The following KCNH8 variants were observed in gnomAD, a reference collection of about 807,000 sequenced individuals.
KCNH8 encodes voltage-gated delayed rectifier potassium channel KCNH8.
In KCNH8, 70 loss-of-function variants were observed where a neutral mutation model predicts 103.6. That is an observed-to-expected ratio of 0.68 (90% CI 0.56 to 0.82). KCNH8 has a LOEUF of 0.82. Among genes scored for constraint, KCNH8 ranks in the 40% least tolerant of loss-of-function variants. The probability of loss-of-function intolerance (pLI) is 0.00; values close to 1 mark genes in which losing one functional copy is unlikely to be tolerated. For synonymous variants in KCNH8, 498 were observed against 489.4 expected, an observed-to-expected ratio of 1.02 and a Z score of -0.23; for missense variants, 1,217 against 1,329.9, an observed-to-expected ratio of 0.92 and a Z score of 1.32.
rs944506212 is a variant in KCNH8 at position 19,533,441 on chromosome 3, G to A, written c.2666G>A (p.Arg889Lys). The A allele has an allele frequency of 1.2e-6, 2 of 1,614,128 alleles. No homozygotes were observed. Among genetic ancestry groups the A allele is most frequent in the Admixed American group, 1.7e-5 (1 of 60,016 alleles). The change falls in exon 16 of 16, where the codon AGA becomes AAA. Residue 889 changes from arginine (R) to lysine (K), a missense_variant. By Grantham distance (26) the Arg-to-Lys change is conservative (BLOSUM62 2). Around this residue, in one of 3 missense-constraint regions of KCNH8, gnomAD observed 558 missense variants for 495.8 expected, o/e 1.13. Coordinates refer to ENST00000328405, the MANE Select transcript of KCNH8 (RefSeq NM_144633.3). ...QEVSQLGKDM[R>K]NVIQLLENVL... ...GTTTCTCAGTTGGGTAAAGACATGA[G>A]AAATGTGATCCAGCTTCTGGAAAAC... is the stretch of plus-strand genomic sequence containing the variant.
chr3:19,299,839 A>C (rs555177800), intron 3 of KCNH8, among the ~76,000 whole-genome samples: 2 of 152,112 alleles, frequency 1.3e-5, no homozygotes, highest in East Asian at 3.9e-4. Flanking sequence ...ATATATTTTA[A>C]TATGTATTAG....
chr3:19,308,651 TCTCTCTC>T (rs2065161784), intron 3 of KCNH8, among the ~76,000 whole-genome samples: 15 of 1,212 alleles, frequency 0.012, no homozygotes, highest in Admixed American at 0.035. Flanking sequence ...AATGTTGGGG[TCTCTCTC>T]TCTCTCTCTC....
chr3:19,185,540 A>T (rs1022688753), intron 1 of KCNH8, among the ~76,000 whole-genome samples: 11 of 151,856 alleles, frequency 7.2e-5, no homozygotes, highest in Non-Finnish European at 1.2e-4. Context: ...ATTTGCGTAT[A>T]TTTTCTTCCT....
chr3:19,204,204 A>G (rs2063690354), intron 1 of KCNH8, among the ~76,000 whole-genome samples: 1 of 152,040 alleles, frequency 6.6e-6, no homozygotes, highest in Non-Finnish European at 1.5e-5. Context: ...AACTGAAGCT[A>G]CTACTTTCTG....
chr3:19,302,859 A>C (rs1488003506), intron 3 of KCNH8, among the ~76,000 whole-genome samples: 1 of 152,212 alleles, frequency 6.6e-6, no homozygotes, highest in South Asian at 2.1e-4. Flanking sequence ...AATAGCTTTT[A>C]AGTGTCTCCA....
At chr3:19,519,222 G>A (rs1416903485) in intron 15 of KCNH8, among the ~76,000 whole-genome samples, 2 of 151,934 alleles carry the variant, frequency 1.3e-5, no homozygotes, top group Non-Finnish European at 2.9e-5. Flanking sequence ...ACCCAGGCAA[G>A]GGCATGTGGG....
At chr3:19,323,947 T>C (rs1243477943) in intron 3 of KCNH8, among the ~76,000 whole-genome samples, 1 of 152,204 alleles carries the variant, frequency 6.6e-6, no homozygotes, top group Admixed American at 6.5e-5. Context: ...CTTGGTTGTA[T>C]TTTTGTTAAG....
intron 7 of KCNH8, among the ~76,000 whole-genome samples, chr3:19,429,862 CT>C (rs1428729623): frequency 6.6e-6 from 1 of 152,140 alleles, no homozygotes; most frequent in Admixed American, 6.5e-5. Context: ...AGATAATAGC[CT>C]CCAGCTCCAT....
intron 1 of KCNH8, among the ~76,000 whole-genome samples, chr3:19,246,526 C>T (rs1372837476): frequency 3.9e-5 from 6 of 151,962 alleles, no homozygotes; most frequent in Non-Finnish European, 5.9e-5. Context: ...CCGCCTGACT[C>T]GGCCTCCCAA....
chr3:19,437,222 T>C (rs2067212242), intron 7 of KCNH8, among the ~76,000 whole-genome samples: 1 of 151,514 alleles, frequency 6.6e-6, no homozygotes, highest in South Asian at 2.1e-4. Flanking sequence ...TGCATTGTTA[T>C]TGCTTGTTGC....
intron 3 of KCNH8, among the ~76,000 whole-genome samples, chr3:19,284,326 A>G (rs1168655536): frequency 6.6e-6 from 1 of 152,128 alleles, no homozygotes; most frequent in African/African-American, 2.4e-5. Flanking sequence ...AAAATACTTT[A>G]ATCATTTTTC....
intron 11 of KCNH8, among the ~76,000 whole-genome samples, chr3:19,483,828 G>A (rs2068141322): frequency 6.6e-6 from 1 of 152,042 alleles, no homozygotes; most frequent in Admixed American, 6.5e-5. Flanking sequence ...GTTATTACTA[G>A]CTCTAAGGAG....
chr3:19,227,449 A>C (rs2063944866), intron 1 of KCNH8, among the ~76,000 whole-genome samples: 1 of 152,230 alleles, frequency 6.6e-6, no homozygotes, highest in Non-Finnish European at 1.5e-5. Flanking sequence ...CAACATATAC[A>C]AGAGAACTCA....
intron 15 of KCNH8, among the ~76,000 whole-genome samples, chr3:19,527,072 A>C (rs1428096491): frequency 1.3e-5 from 2 of 151,972 alleles, no homozygotes; most frequent in African/African-American, 4.8e-5. Flanking sequence ...TCCTTTATAG[A>C]GAATTTTTAA....
At chr3:19,321,722 A>G (rs539838339) in intron 3 of KCNH8, among the ~76,000 whole-genome samples, 3 of 152,032 alleles carry the variant, frequency 2.0e-5, no homozygotes, top group African/African-American at 4.8e-5. Flanking sequence ...GTTTAAGTCC[A>G]TGGTTTCTTT....
intron 5 of KCNH8, among the ~76,000 whole-genome samples, chr3:19,374,026 C>G (rs972983887): frequency 6.6e-6 from 1 of 152,060 alleles, no homozygotes; most frequent in African/African-American, 2.4e-5. Flanking sequence ...GCTTTACTTC[C>G]AAGTACGTGG....
At chr3:19,248,295 G>A (rs2064231679) in intron 1 of KCNH8, among the ~76,000 whole-genome samples, 1 of 152,124 alleles carries the variant, frequency 6.6e-6, no homozygotes, top group Admixed American at 6.6e-5. Context: ...GATTATTTGA[G>A]TAGAAACGAC....
At chr3:19,335,246 C>T (rs912470141) in intron 3 of KCNH8, among the ~76,000 whole-genome samples, 1 of 151,604 alleles carries the variant, frequency 6.6e-6, no homozygotes, top group Non-Finnish European at 1.5e-5. Context: ...CTGAGATGGT[C>T]ATGTGTTTTA....
At chr3:19,397,004 T>C (rs745727732) in intron 7 of KCNH8, among the ~76,000 whole-genome samples, 1 of 152,000 alleles carries the variant, frequency 6.6e-6, no homozygotes, top group Non-Finnish European at 1.5e-5. Flanking sequence ...ATTTAGCTTA[T>C]TCACACTCTC....
Sources: gnomAD v4.1 joint callset for allele counts (sites outside exome capture counted in the v4.1 genomes callset) on GRCh38, gnomAD v4.1.1 for gene constraint, gnomAD v4.1.1 regional missense constraint, MANE v1.5 for transcripts, NCBI Gene and HGNC (gene_info 2026-07-23, HGNC 2026-07-21) for gene names.